CSMD1: variants seen among roughly 807,000 people sequenced by gnomAD.
CSMD1 encodes CUB and sushi domain-containing protein 1.
A neutral mutation model predicts 417.5 loss-of-function variants in CSMD1; 213 were observed. The observed-to-expected ratio is 0.51, with a 90% CI of 0.46 to 0.57. The LOEUF (loss-of-function observed/expected upper bound fraction) is 0.57. Ranked by LOEUF, CSMD1 falls within the 20% of genes least tolerant of loss-of-function variation. The pLI is 0.00. For synonymous variants in CSMD1, 2,862 were observed against 1,736.8 expected (o/e 1.65, Z -16.11); for missense variants, 6,923 against 4,529.7 (o/e 1.53, Z -15.17).
intron 3 of CSMD1, among the ~76,000 whole-genome samples, chr8:4,272,898 C>G (rs894048527): frequency 2.6e-5 from 4 of 152,108 alleles, no homozygotes; most frequent in Admixed American, 2.6e-4. Flanking sequence ...GTAGCTTTAG[C>G]TTCTCATAGA....
chr8:4,736,648 G>C (rs1732847252), intron 1 of CSMD1, among the ~76,000 whole-genome samples: 2 of 152,074 alleles, frequency 1.3e-5, no homozygotes, highest in African/African-American at 2.4e-5. Flanking sequence ...ATTATCAAAA[G>C]GAATGATTTT....
chr8:4,238,651 G>C (rs1448789241), intron 3 of CSMD1, among the ~76,000 whole-genome samples: 1 of 152,150 alleles, frequency 6.6e-6, no homozygotes, highest in East Asian at 1.9e-4. Context: ...TCATTCCTGT[G>C]TCTTGAAGCC....
chr8:3,396,156 G>A, intron 17 of CSMD1, 38 bp downstream of exon 17: 4 of 1,522,528 alleles, frequency 2.6e-6, no homozygotes, highest in Non-Finnish European at 3.6e-6. Flanking sequence ...TCCCATGCAT[G>A]CTGCCCTGCC....
chr8:3,998,925 T>A (rs374741928), intron 4 of CSMD1, among the ~76,000 whole-genome samples: 1 of 148,952 alleles, frequency 6.7e-6, no homozygotes, highest in Non-Finnish European at 1.5e-5. Flanking sequence ...TAACAAACTA[T>A]ATAGTAGTTT....
Position 2,979,241 on chromosome 8 carries a change from T to C in CSMD1, c.8378-441A>G, listed in dbSNP as rs577324720. The stretch of plus-strand genomic sequence containing the variant: ...ACACCTACTTGCATTAGTGCTTTAA[T>C]ATGTGTGCCTAAAATAATTTTGCTC... On this transcript the variant is annotated intron_variant, in intron 54 of 69. Coordinates refer to ENST00000635120, the MANE Select transcript of CSMD1 (RefSeq NM_033225.6). Among the ~76,000 whole-genome samples the C allele has an allele frequency of 7.9e-5, 12 of 152,384 alleles. No individual in the cohort carries two copies. In the South Asian group the frequency reaches 2.3e-3, roughly 29 times the overall value.
At chr8:4,758,451 C>T (rs565376951) in intron 1 of CSMD1, among the ~76,000 whole-genome samples, 34 of 152,170 alleles carry the variant, frequency 2.2e-4, no homozygotes, top group Non-Finnish European at 4.1e-4. Flanking sequence ...ATAAAGGAAG[C>T]GTGAGCAAGG....
intron 2 of CSMD1, among the ~76,000 whole-genome samples, chr8:4,525,587 G>A (rs903659616): frequency 6.6e-6 from 1 of 152,110 alleles, no homozygotes; most frequent in African/African-American, 2.4e-5. Flanking sequence ...GTAATTATCT[G>A]GTTTATACAT....
intron 3 of CSMD1, among the ~76,000 whole-genome samples, chr8:4,075,588 C>G (rs1164690199): frequency 6.6e-6 from 1 of 152,074 alleles, no homozygotes; most frequent in Non-Finnish European, 1.5e-5. Flanking sequence ...TTAATTTATT[C>G]CTTGTTCTGC....
At chr8:3,939,959 A>T (rs1055920855) in intron 5 of CSMD1, among the ~76,000 whole-genome samples, 6 of 152,102 alleles carry the variant, frequency 3.9e-5, no homozygotes, top group Non-Finnish European at 8.8e-5. Flanking sequence ...AATCACCACT[A>T]AAGAACTTAC....
intron 5 of CSMD1, among the ~76,000 whole-genome samples, chr8:3,848,596 G>A (rs1490423492): frequency 6.6e-6 from 1 of 152,076 alleles, no homozygotes; most frequent in Non-Finnish European, 1.5e-5. Flanking sequence ...ACTTTGAACT[G>A]CTCAATTTCC....
intron 3 of CSMD1, among the ~76,000 whole-genome samples, chr8:4,413,197 G>C (rs762054643): frequency 2.0e-5 from 3 of 152,132 alleles, no homozygotes; most frequent in Non-Finnish European, 4.4e-5. Flanking sequence ...AAACATCCCA[G>C]GGAGGGTTGC....
At chr8:4,814,627 A>G (rs993346098) in intron 1 of CSMD1, among the ~76,000 whole-genome samples, 1 of 152,184 alleles carries the variant, frequency 6.6e-6, no homozygotes, top group Non-Finnish European at 1.5e-5. Context: ...GTATTGATCA[A>G]GGGTCTTCAT....
At chr8:3,990,434 C>G (rs1225885055) in intron 5 of CSMD1, among the ~76,000 whole-genome samples, 1 of 152,132 alleles carries the variant, frequency 6.6e-6, no homozygotes, top group Non-Finnish European at 1.5e-5. Flanking sequence ...ACTATTTTTC[C>G]TATTGGTCCC....
At chr8:4,843,683 T>A (rs917162610) in intron 1 of CSMD1, among the ~76,000 whole-genome samples, 2 of 152,196 alleles carry the variant, frequency 1.3e-5, no homozygotes, top group African/African-American at 4.8e-5. Flanking sequence ...TATTTTGGTA[T>A]GTGTTTTATC....
At chr8:3,772,068 G>A (rs1037513825) in intron 5 of CSMD1, among the ~76,000 whole-genome samples, 1 of 151,292 alleles carries the variant, frequency 6.6e-6, no homozygotes, top group Non-Finnish European at 1.5e-5. Context: ...CTGCCATTAT[G>A]CTACCAATCC....
chr8:4,030,103 G>A (rs929321283), intron 4 of CSMD1, among the ~76,000 whole-genome samples: 2 of 152,192 alleles, frequency 1.3e-5, no homozygotes, highest in African/African-American at 2.4e-5. Flanking sequence ...ATGGGCTGCT[G>A]TTAACTGTCT....
chr8:4,495,641 T>C (rs6558888), intron 2 of CSMD1, among the ~76,000 whole-genome samples: 7,901 of 152,170 alleles, frequency 0.052, 628 homozygotes, highest in African/African-American at 0.17. Flanking sequence ...GCAGACCTTG[T>C]GGAAGAATAG....
intron 2 of CSMD1, among the ~76,000 whole-genome samples, chr8:4,492,505 A>T (rs1801756073): frequency 6.6e-6 from 1 of 152,200 alleles, no homozygotes; most frequent in Admixed American, 6.5e-5. Context: ...ATTTCTTTTA[A>T]ACCACATCTG....
chr8:4,583,978 C>T (rs1363879103), intron 2 of CSMD1, among the ~76,000 whole-genome samples: 1 of 151,970 alleles, frequency 6.6e-6, no homozygotes, highest in African/African-American at 2.4e-5. Flanking sequence ...GCCAACGAGA[C>T]CACAAGCCCA....
Sources: allele counts gnomAD v4.1 joint callset (sites outside exome capture counted in the v4.1 genomes callset), GRCh38; gene constraint gnomAD v4.1.1; transcripts MANE v1.5; gene names NCBI Gene and HGNC (gene_info 2026-07-23, HGNC 2026-07-21).